PIK3C2G: variants seen among roughly 807,000 people sequenced by gnomAD.
PIK3C2G encodes phosphatidylinositol 3-kinase C2 domain-containing subunit gamma.
A neutral mutation model predicts 181.1 loss-of-function variants in PIK3C2G; 168 were observed. The observed-to-expected ratio is 0.93, with a 90% CI of 0.82 to 1.05. The LOEUF is 1.05. Among genes scored for constraint, PIK3C2G ranks in the 50% least tolerant of loss-of-function variants. The pLI is 0.00. For synonymous variants in PIK3C2G, 573 were observed against 592.2 expected (o/e 0.97, Z 0.47); for missense variants, 1,869 against 1,732.8 (o/e 1.08, Z -1.40).
chr12:18,594,111 G>A (rs1367379870), intron 29 of PIK3C2G, among the ~76,000 whole-genome samples: 1 of 151,848 alleles, frequency 6.6e-6, no homozygotes, highest in Non-Finnish European at 1.5e-5. Flanking sequence ...AACTGAGCCT[G>A]TCTGTCCCAC....
intron 26 of PIK3C2G, among the ~76,000 whole-genome samples, chr12:18,562,357 C>T (rs924846082): frequency 2.6e-5 from 4 of 152,170 alleles, no homozygotes; most frequent in Non-Finnish European, 2.9e-5. Flanking sequence ...TGGTCTCGAT[C>T]TCCTGACCTC....
At chr12:18,643,689 A>G (rs969976143) in intron 32 of PIK3C2G, among the ~76,000 whole-genome samples, 5 of 151,786 alleles carry the variant, frequency 3.3e-5, no homozygotes, top group Admixed American at 1.3e-4. Flanking sequence ...AAACTCCTCG[A>G]TCACTTGTGT....
intron 18 of PIK3C2G, among the ~76,000 whole-genome samples, chr12:18,483,803 T>G (rs894173055): frequency 1.3e-5 from 2 of 152,140 alleles, no homozygotes; most frequent in Non-Finnish European, 1.5e-5. Flanking sequence ...TAGCAACAAA[T>G]AGCCCCACAG....
At chr12:18,508,572 C>T (rs1186372451) in intron 24 of PIK3C2G, among the ~76,000 whole-genome samples, 1 of 152,056 alleles carries the variant, frequency 6.6e-6, no homozygotes, top group Non-Finnish European at 1.5e-5. Flanking sequence ...TTATGGACCC[C>T]CTTTGTAGAG....
chr12:18,530,907 A>G (rs893807343), intron 24 of PIK3C2G, among the ~76,000 whole-genome samples: 1 of 152,084 alleles, frequency 6.6e-6, no homozygotes, highest in African/African-American at 2.4e-5. Context: ...TCTTTTCTCC[A>G]TAAATTTCCC....
chr12:18,261,812 T>A (rs952600052), intron 1 of PIK3C2G, among the ~76,000 whole-genome samples: 2 of 152,048 alleles, frequency 1.3e-5, no homozygotes, highest in African/African-American at 4.8e-5. Context: ...ACTTATTCTT[T>A]CTCTCTTTCC....
At chr12:18,588,179 A>T (rs1214048907) in intron 29 of PIK3C2G, among the ~76,000 whole-genome samples, 2 of 152,074 alleles carry the variant, frequency 1.3e-5, no homozygotes, top group African/African-American at 4.8e-5. Context: ...ACCACTATGA[A>T]CATAGGAACA....
the PIK3C2G span, among the ~76,000 whole-genome samples, chr12:18,700,410 G>A: frequency 5.4e-5 from 8 of 148,526 alleles, no homozygotes; most frequent in East Asian, 2.0e-4. Flanking sequence ...CTCAATCCAA[G>A]TATGAGTCAG....
At chr12:18,453,453 G>A (rs1018376842) in intron 18 of PIK3C2G, among the ~76,000 whole-genome samples, 47 of 151,870 alleles carry the variant, frequency 3.1e-4, no homozygotes, top group African/African-American at 1.1e-3. Flanking sequence ...ACTCTTTAAT[G>A]AATGTAAATA....
In PIK3C2G at chr12:18,648,219, C is replaced by G. The variant is rs189192301; in HGVS notation, c.*191C>G. The G allele has an allele frequency of 5.9e-6, 2 of 340,030 alleles. No individual in the cohort carries two copies. Among genetic ancestry groups the G allele is most frequent in the African/African-American group, 4.2e-5 (2 of 47,538 alleles). The allele number at this position is 340,030 out of a possible 1,614,324, so 21.1% of individuals were successfully genotyped here. A position where few individuals can be genotyped will look rare whatever the true frequency, so the allele number is the denominator to read the frequency against. ...TGTGCTTTCATTGTTTTTTCATAAT[C>G]TTTTCTCCTTCAGTGGAGTACTGAT... On this transcript the variant is annotated 3_prime_UTR_variant, in exon 33 of 33. Coordinates refer to ENST00000538779, the MANE Select transcript of PIK3C2G (RefSeq NM_001288772.2).
intron 26 of PIK3C2G, among the ~76,000 whole-genome samples, chr12:18,553,283 C>T (rs1346607183): frequency 1.3e-5 from 2 of 151,958 alleles, no homozygotes; most frequent in Non-Finnish European, 2.9e-5. Context: ...ATACAACTTC[C>T]TTTTAATATC....
At chr12:18,713,907 A>G in the PIK3C2G span, 45 of 152,340 alleles carry the variant, frequency 3.0e-4, 1 homozygote, top group Admixed American at 1.4e-3. Context: ...ACTGTGTTTA[A>G]ATTAATTTTC....
chr12:18,562,095 T>G (rs1945375218), intron 26 of PIK3C2G, among the ~76,000 whole-genome samples: 1 of 152,202 alleles, frequency 6.6e-6, no homozygotes, highest in Non-Finnish European at 1.5e-5. Context: ...GGAATTAAAT[T>G]TTTTAAAAAT....
chr12:18,333,438 A>AC (rs1435646865), intron 8 of PIK3C2G, among the ~76,000 whole-genome samples: 1 of 149,478 alleles, frequency 6.7e-6, no homozygotes, highest in Non-Finnish European at 1.5e-5. Context: ...CCCTCCTCTA[A>AC]CCCCCCACCC....
chr12:18,310,976 A>G (rs988366526), intron 5 of PIK3C2G, among the ~76,000 whole-genome samples: 5 of 152,050 alleles, frequency 3.3e-5, no homozygotes, highest in African/African-American at 1.2e-4. Context: ...CCTCAAAGAA[A>G]GTATAATAAG....
chr12:18,713,123 C>T, the PIK3C2G span: 1 of 1,188,298 alleles, frequency 8.4e-7, no homozygotes. Flanking sequence ...AAAAACTTGT[C>T]TTTGGGACAA....
chr12:18,700,099 A>T, the PIK3C2G span: 3 of 693,224 alleles, frequency 4.3e-6, no homozygotes, highest in Non-Finnish European at 7.3e-6. Flanking sequence ...ACTCAATATG[A>T]TTATTTTTGG....
At chr12:18,710,352 G>T in the PIK3C2G span, among the ~76,000 whole-genome samples, 4 of 151,646 alleles carry the variant, frequency 2.6e-5, no homozygotes, top group Non-Finnish European at 5.9e-5. Context: ...AGGGGGAATA[G>T]CAAGTACAAA....
At chr12:18,599,768 T>C (rs1947606087) in intron 30 of PIK3C2G, among the ~76,000 whole-genome samples, 1 of 151,816 alleles carries the variant, frequency 6.6e-6, no homozygotes, top group African/African-American at 2.4e-5. Flanking sequence ...GCCATAGGTA[T>C]ATTAGGCAAA....
Sources: gnomAD v4.1 joint callset for allele counts (sites outside exome capture counted in the v4.1 genomes callset) on GRCh38, gnomAD v4.1.1 for gene constraint, MANE v1.5 for transcripts, NCBI Gene and HGNC (gene_info 2026-07-23, HGNC 2026-07-21) for gene names.